EPHA8: variants seen among roughly 807,000 people sequenced by gnomAD.
EPHA8 encodes ephrin type-A receptor 8.
Under a neutral mutation model 103.6 loss-of-function variants are expected in EPHA8, and 58 were observed. That is an observed-to-expected ratio of 0.56 (90% CI 0.45 to 0.70). The LOEUF is 0.70. Among genes scored for constraint, EPHA8 ranks in the 30% least tolerant of loss-of-function variants. EPHA8 has a pLI of 0.00. For missense variants in EPHA8, 1,304 were observed against 1,395.2 expected, an observed-to-expected ratio of 0.93 and a Z score of 1.04; for synonymous variants, 559 against 572.5, an observed-to-expected ratio of 0.98 and a Z score of 0.34.
Position 22,576,408 on chromosome 1 carries a change from C to G in EPHA8, c.351C>G (p.Thr117=), listed in dbSNP as rs1640697679. The change falls in exon 3 of 17, where the codon ACC becomes ACG. Residue 117 remains threonine (T), a synonymous_variant. Coordinates refer to ENST00000166244, the MANE Select transcript of EPHA8 (RefSeq NM_020526.5). This position sits in a 1 kb window ranked among gnomAD's most constrained non-coding sequence, Gnocchi z 4.8. The stretch of plus-strand genomic sequence containing the variant: ...ACAGCATGCCTGGTGTGCTGGGCAC[C>G]TGCAAGGAGACCTTCAACCTCTACT... ...DCNSMPGVLG[T]CKETFNLYYL... is the part of the protein sequence containing the mutation. 13 of 1,613,844 alleles carry G rather than the reference C, an allele frequency of 8.1e-6. No homozygotes were observed. The South Asian group carries it at 1.4e-4, about 18-fold the overall frequency.
chr1:22,580,117 C>A (rs1434153104), intron 3 of EPHA8, among the ~76,000 whole-genome samples: 1 of 124,176 alleles, frequency 8.1e-6, no homozygotes, highest in African/African-American at 3.1e-5. Context: ...CTCTGGTTTT[C>A]TTTCTTTCTC....
rs532008808 is a variant in EPHA8 at position 22,589,506 on chromosome 1, G to C, written c.1315+300G>C. 1.2e-4 allele frequency: 175 copies of C among 1,431,084 alleles called. No homozygotes were observed. In the East Asian group the frequency reaches 1.6e-3, roughly 13 times the overall value. 88.6% of individuals were successfully genotyped at this position (1,431,084 alleles called of 1,614,324 possible). A position where few individuals can be genotyped will look rare whatever the true frequency, so the allele number is the denominator to read the frequency against. ...CCTCAGTTTCCTCCCTGGTGCAATGGGAATAATAGTACCTGCCTGAGGTCC... is the reference window on the plus strand; with the variant it reads ...CCTCAGTTTCCTCCCTGGTGCAATGCGAATAATAGTACCTGCCTGAGGTCC... On this transcript the variant is annotated intron_variant, in intron 5 of 16. Coordinates refer to ENST00000166244, the MANE Select transcript of EPHA8 (RefSeq NM_020526.5). The surrounding 1 kb of genome is among the most constrained non-coding windows in gnomAD (Gnocchi z 4.3).
rs910316329 is a variant in EPHA8, at chr1:22,589,070, G to T, written c.1179G>T (p.Val393=). 12 of 1,613,246 alleles carry T rather than the reference G, an allele frequency of 7.4e-6. No homozygotes were observed. The highest frequency in any genetic ancestry group is 6.7e-5 in the Admixed American group (4 of 59,952). The change falls in exon 5 of 17, where the codon GTG becomes GTT. Residue 393 remains valine, a synonymous_variant. Coordinates refer to ENST00000166244, the MANE Select transcript of EPHA8 (RefSeq NM_020526.5). This position sits in a 1 kb window ranked among gnomAD's most constrained non-coding sequence, Gnocchi z 4.3. ...TTGTGCCCCAGCAGACAAGCCTGGT[G>T]CAGGCCAGCCTGCTGGTGGCCAACC... ...TRFVPQQTSL[V]QASLLVANLL... is the part of the protein sequence containing the mutation.
At chr1:22,588,222 AC>A (rs768606396) in intron 4 of EPHA8, among the ~76,000 whole-genome samples, 9 of 151,736 alleles carry the variant, frequency 5.9e-5, no homozygotes, top group Non-Finnish European at 1.3e-4. Flanking sequence ...GTCCCCACAG[AC>A]CCCCATGCCC....
intron 8 of EPHA8, 78 bp downstream of exon 8, chr1:22,595,401 C>CT: frequency 8.3e-7 from 1 of 1,211,564 alleles, no homozygotes; most frequent in Non-Finnish European, 1.2e-6. Context: ...CCCCACCGAG[C>CT]CGGTGGTCCC....
chr1:22,578,225 CAT>C (rs1491200462), intron 3 of EPHA8, among the ~76,000 whole-genome samples: 1 of 85,088 alleles, frequency 1.2e-5, no homozygotes, highest in Non-Finnish European at 2.3e-5. Context: ...TGTGAGTGTG[CAT>C]GTGTGTATGT....
intron 2 of EPHA8, among the ~76,000 whole-genome samples, chr1:22,574,982 G>T (rs182388337): frequency 2.0e-5 from 3 of 151,864 alleles, no homozygotes; most frequent in Non-Finnish European, 4.4e-5. Context: ...AGGGAGTCTC[G>T]CTCTGTTGCT....
Position 22,599,008 on chromosome 1 carries a change from G to A in EPHA8, c.2349G>A (p.Arg783=). Residue 783 remains arginine, a synonymous_variant, in exon 13 of 17, where the codon CGG becomes CGA. Transcript: ENST00000166244. ...AGGTGTCTGACTTCGGGCTCTCACG[G>A]GTGCTGGAGGACGACCCGGATGCTG... ...VCKVSDFGLS[R]VLEDDPDAAY... 6.2e-7 allele frequency: 1 copy of A among 1,611,234 alleles called. No homozygotes were observed. Among genetic ancestry groups the A allele is most frequent in the Non-Finnish European group, 8.5e-7 (1 of 1,179,336 alleles).
intron 3 of EPHA8, among the ~76,000 whole-genome samples, chr1:22,578,948 C>CA (rs1640927988): frequency 1.4e-5 from 2 of 139,202 alleles, no homozygotes; most frequent in Admixed American, 1.5e-4. Context: ...TGTATGTATG[C>CA]ATGTGTGTCC....
intron 7 of EPHA8, among the ~76,000 whole-genome samples, chr1:22,595,027 C>T (rs528326686): frequency 3.9e-5 from 6 of 152,178 alleles, no homozygotes; most frequent in Non-Finnish European, 8.8e-5. Context: ...CCAGGTCTCA[C>T]GAACTTGAAG....
At chr1:22,568,125 G>C (rs952152090) in intron 1 of EPHA8, among the ~76,000 whole-genome samples, 4 of 152,212 alleles carry the variant, frequency 2.6e-5, no homozygotes, top group Non-Finnish European at 5.9e-5. Context: ...AACTAGTGTT[G>C]GTAAGGACCA....
chr1:22,600,136 A>AAGG (rs1196866355), intron 13 of EPHA8, among the ~76,000 whole-genome samples: 1 of 90,234 alleles, frequency 1.1e-5, no homozygotes, highest in Non-Finnish European at 2.2e-5. Flanking sequence ...GGAGAGAAGG[A>AAGG]AGGAGGAGGG....
intron 2 of EPHA8, among the ~76,000 whole-genome samples, chr1:22,570,110 C>T (rs1200660167): frequency 1.3e-5 from 2 of 152,304 alleles, no homozygotes; most frequent in African/African-American, 4.8e-5. Flanking sequence ...AGTCTTGGCA[C>T]CGAGTCTGGC....
chr1:22,581,762 A>T (rs909771529), intron 3 of EPHA8, among the ~76,000 whole-genome samples: 1 of 152,268 alleles, frequency 6.6e-6, no homozygotes, highest in African/African-American at 2.4e-5. Flanking sequence ...ATACAACGTA[A>T]TTATGCCAGT....
intron 3 of EPHA8, among the ~76,000 whole-genome samples, chr1:22,585,762 G>A (rs976772622): frequency 3.3e-5 from 5 of 152,152 alleles, no homozygotes; most frequent in African/African-American, 1.2e-4. Context: ...CCACAGTGAC[G>A]GGGACAGTGA....
At chr1:22,575,545 T>G (rs1640665185) in intron 2 of EPHA8, among the ~76,000 whole-genome samples, 1 of 152,218 alleles carries the variant, frequency 6.6e-6, no homozygotes, top group East Asian at 1.9e-4. Flanking sequence ...CTGGGTTACC[T>G]TTTCACTCTG....
chr1:22,578,690 T>C (rs1402985779), intron 3 of EPHA8, among the ~76,000 whole-genome samples: 2 of 133,192 alleles, frequency 1.5e-5, no homozygotes, highest in East Asian at 4.0e-4. Flanking sequence ...CATGAGTGTA[T>C]GTGTGCCTGT....
chr1:22,581,474 C>T (rs2148241677), intron 3 of EPHA8, among the ~76,000 whole-genome samples: 1 of 152,320 alleles, frequency 6.6e-6, no homozygotes, highest in East Asian at 1.9e-4. Context: ...CAAGACCTCG[C>T]TTGGAGGTCT....
rs1403731153 is a variant in EPHA8, at chr1:22,576,104, C to G, written c.160-113C>G. On this transcript the variant is annotated intron_variant, in intron 2 of 16. Coordinates refer to ENST00000166244, the MANE Select transcript of EPHA8 (RefSeq NM_020526.5). The surrounding 1 kb of genome is among the most constrained non-coding windows in gnomAD (Gnocchi z 4.8). ...TGGCATCTAGTAGCCACCAGGAGGC[C>G]AGCTCCTTTGTCTTTTTTTTTGCCA... 3.9e-6 allele frequency: 5 copies of G among 1,284,196 alleles called. No individual in the cohort carries two copies. The highest frequency in any genetic ancestry group is 5.4e-6 in the Non-Finnish European group (5 of 926,894). 79.6% of individuals were successfully genotyped at this position (1,284,196 alleles called of 1,614,324 possible).
Sources: allele counts gnomAD v4.1 joint callset (sites outside exome capture counted in the v4.1 genomes callset), GRCh38; gene constraint gnomAD v4.1.1; non-coding constraint Gnocchi (gnomAD v3.1); transcripts MANE v1.5; gene names NCBI Gene and HGNC (gene_info 2026-07-23, HGNC 2026-07-21).